SLC25A21: variants seen among roughly 807,000 people sequenced by gnomAD.
SLC25A21 encodes solute carrier family 25 member 21.
A neutral mutation model predicts 43.8 loss-of-function variants in SLC25A21; 47 were observed. That is an observed-to-expected ratio of 1.07 (90% CI 0.85 to 1.37). The LOEUF is 1.37. SLC25A21 is among the 40% of genes most tolerant of loss of function. The pLI, the probability that SLC25A21 is intolerant of heterozygous loss-of-function variation, is 0.00. For synonymous variants in SLC25A21, 131 were observed against 121.3 expected (o/e 1.08, Z -0.52); for missense variants, 352 against 350.2 (o/e 1.00, Z -0.04).
chr14:36,708,830 T>C (rs1883699606), intron 7 of SLC25A21, among the ~76,000 whole-genome samples: 1 of 149,222 alleles, frequency 6.7e-6, no homozygotes, highest in Non-Finnish European at 1.5e-5. Flanking sequence ...GCAATCCTCC[T>C]GACTCAGCCT....
intron 3 of SLC25A21, among the ~76,000 whole-genome samples, chr14:36,787,911 G>T (rs543246724): frequency 1.2e-4 from 18 of 152,166 alleles, no homozygotes; most frequent in African/African-American, 4.3e-4. Context: ...TCAGATGCTT[G>T]TGCAAAGTAT....
At chr14:36,877,993 G>A (rs1023297910) in intron 1 of SLC25A21, among the ~76,000 whole-genome samples, 9 of 152,088 alleles carry the variant, frequency 5.9e-5, no homozygotes, top group African/African-American at 2.2e-4. Flanking sequence ...CAGAGGAGTG[G>A]TATTGACCTC....
intron 1 of SLC25A21, among the ~76,000 whole-genome samples, chr14:36,892,603 T>C (rs571467604): frequency 6.6e-6 from 1 of 152,134 alleles, no homozygotes; most frequent in East Asian, 1.9e-4. Flanking sequence ...AATGTGCAGG[T>C]TAGTTACATA....
chr14:36,792,780 T>C (rs1335585639), intron 3 of SLC25A21, among the ~76,000 whole-genome samples: 1 of 152,170 alleles, frequency 6.6e-6, no homozygotes, highest in Admixed American at 6.5e-5. Context: ...ATATTTCCTC[T>C]CTCATTAAAA....
intron 1 of SLC25A21, among the ~76,000 whole-genome samples, chr14:37,162,173 G>A (rs1272288587): frequency 1.3e-5 from 2 of 151,998 alleles, no homozygotes; most frequent in South Asian, 2.1e-4. Context: ...CCCTGCCGAC[G>A]AAAGAAGAAA....
At chr14:36,833,193 C>T (rs934401027) in intron 2 of SLC25A21, among the ~76,000 whole-genome samples, 1 of 152,102 alleles carries the variant, frequency 6.6e-6, no homozygotes, top group Non-Finnish European at 1.5e-5. Flanking sequence ...TATATACACA[C>T]AGAGAGAAAA....
At chr14:37,133,503 C>T (rs1049293434) in intron 1 of SLC25A21, among the ~76,000 whole-genome samples, 1 of 152,024 alleles carries the variant, frequency 6.6e-6, no homozygotes. Context: ...CATCTACCCT[C>T]CTCTAAATAA....
rs190207940 is a variant in SLC25A21, at chr14:36,931,948, G to C, written c.71-56944C>G. Among the ~76,000 whole-genome samples the C allele has an allele frequency of 2.1e-4, 32 of 152,198 alleles. No individual in the cohort carries two copies. In the East Asian group the frequency reaches 6.0e-3, roughly 28 times the overall value. On this transcript the variant is annotated intron_variant, in intron 1 of 9. Coordinates refer to ENST00000331299, the MANE Select transcript of SLC25A21 (RefSeq NM_030631.4). ...GACATTTTGCAAATCAAGGGATATA[G>C]TGCTTACAAGAGATGATTACGACAC...
In SLC25A21 at chr14:37,161,572, T is replaced by C. The variant is rs80263620; in HGVS notation, c.70+10709A>G. 5.5e-3 allele frequency among the ~76,000 whole-genome samples: 837 copies of C among 152,292 alleles called. 9 individuals are homozygous for C. The highest frequency in any genetic ancestry group is 0.02 in the African/African-American group (813 of 41,558). ...TTTGGAAATAGGATCTTTAAGGATGTAATCAAGTTAAAATATGGTCATATT... is the reference window on the plus strand; with the variant it reads ...TTTGGAAATAGGATCTTTAAGGATGCAATCAAGTTAAAATATGGTCATATT... On this transcript the variant is annotated intron_variant, in intron 1 of 9. Coordinates refer to ENST00000331299, the MANE Select transcript of SLC25A21 (RefSeq NM_030631.4).
In SLC25A21 at chr14:36,944,028, T is replaced by C. The variant is rs1016017473; in HGVS notation, c.71-69024A>G. The stretch of plus-strand genomic sequence containing the variant: ...GGCCTAATTCACTCCAAGAAAAGGA[T>C]ACCCAATTCCCTCTGAAATCCCAAA... On this transcript the variant is annotated intron_variant, in intron 1 of 9. Coordinates refer to ENST00000331299, the MANE Select transcript of SLC25A21 (RefSeq NM_030631.4). 7.9e-5 allele frequency among the ~76,000 whole-genome samples: 12 copies of C among 152,270 alleles called. 1 individual carries two copies. Among genetic ancestry groups the C allele is most frequent in the African/African-American group, 2.6e-4 (11 of 41,562 alleles).
chr14:36,728,698 C>G (rs750003185), intron 5 of SLC25A21, among the ~76,000 whole-genome samples: 1 of 152,148 alleles, frequency 6.6e-6, no homozygotes, highest in Non-Finnish European at 1.5e-5. Flanking sequence ...GCCTATTTGG[C>G]AGAATACATA....
intron 1 of SLC25A21, among the ~76,000 whole-genome samples, chr14:37,092,518 C>T (rs567847548): frequency 9.5e-4 from 144 of 152,218 alleles, no homozygotes; most frequent in Middle Eastern, 6.8e-3. Context: ...GGCTTTTAAG[C>T]CAATTAGTGT....
intron 1 of SLC25A21, among the ~76,000 whole-genome samples, chr14:36,977,954 T>TA (rs36000189): frequency 1.9e-3 from 227 of 121,076 alleles, no homozygotes; most frequent in Admixed American, 3.5e-3. Context: ...TTTTTTTTTT[T>TA]AAAAAAAAAA....
Position 37,172,519 on chromosome 14 carries a change from T to C in SLC25A21, c.-169A>G. On this transcript the variant is annotated 5_prime_UTR_variant, in exon 1 of 10. Transcript: ENST00000331299. ...GGAAAGCGAGGGTTCGAGGCGCAGA[T>C]TCGTCGCGCGATCTCCGGCGCGTCG... is the stretch of plus-strand genomic sequence containing the variant. The C allele has an allele frequency of 2.6e-6, 2 of 772,246 alleles. No homozygotes were observed. Among genetic ancestry groups the C allele is most frequent in the South Asian group, 1.5e-5 (1 of 68,116 alleles). 47.8% of individuals were successfully genotyped at this position (772,246 alleles called of 1,614,324 possible).
At chr14:36,817,041 A>G (rs1169229141) in intron 2 of SLC25A21, among the ~76,000 whole-genome samples, 2 of 152,184 alleles carry the variant, frequency 1.3e-5, no homozygotes, top group Non-Finnish European at 2.9e-5. Context: ...GCTTTTCATA[A>G]TATCCGTAAT....
chr14:37,073,274 T>C (rs1962211321), intron 1 of SLC25A21, among the ~76,000 whole-genome samples: 2 of 152,244 alleles, frequency 1.3e-5, no homozygotes, highest in African/African-American at 4.8e-5. Flanking sequence ...CCTTCCTTAG[T>C]CACTTTTTCA....
intron 2 of SLC25A21, among the ~76,000 whole-genome samples, chr14:36,856,819 C>A (rs2138524579): frequency 6.6e-6 from 1 of 152,234 alleles, no homozygotes; most frequent in East Asian, 1.9e-4. Context: ...GAAGCACATC[C>A]CACATAGAAA....
chr14:37,029,157 C>T (rs1414127081), intron 1 of SLC25A21, among the ~76,000 whole-genome samples: 3 of 152,154 alleles, frequency 2.0e-5, no homozygotes, highest in African/African-American at 7.2e-5. Flanking sequence ...ACTAGATCAA[C>T]AATGCACAAT....
At chr14:36,769,306 T>C (rs929188589) in intron 3 of SLC25A21, among the ~76,000 whole-genome samples, 11 of 152,328 alleles carry the variant, frequency 7.2e-5, no homozygotes, top group African/African-American at 2.4e-4. Context: ...CCTCTGGGAA[T>C]TGTCAGGGCA....
Sources: allele counts gnomAD v4.1 joint callset (sites outside exome capture counted in the v4.1 genomes callset), GRCh38; gene constraint gnomAD v4.1.1; transcripts MANE v1.5; gene names NCBI Gene and HGNC (gene_info 2026-07-23, HGNC 2026-07-21).